Variants in ELL2 observed in about 807,000 individuals in gnomAD.
The protein encoded by ELL2 is RNA polymerase II elongation factor ELL2.
In ELL2, 21 loss-of-function variants were observed where a neutral mutation model predicts 72.8. The ratio of observed to expected loss-of-function variants is 0.29; its 90% CI spans 0.20 to 0.42. The LOEUF (loss-of-function observed/expected upper bound fraction) is 0.42, where lower values mean the gene tolerates loss of function less well. ELL2 is among the 10% of genes least tolerant of loss of function. The pLI is 1.00. For synonymous variants in ELL2, 266 were observed against 283.2 expected (o/e 0.94, Z 0.61); for missense variants, 568 against 772.8 (o/e 0.73, Z 3.14).
At chr5:95,948,885 A>G (rs1246608819) in intron 1 of ELL2, among the ~76,000 whole-genome samples, 2 of 152,220 alleles carry the variant, frequency 1.3e-5, no homozygotes, top group Non-Finnish European at 1.5e-5. Context: ...AACCTGATAA[A>G]AGTGATGGTT....
chr5:95,921,754 G>A (rs1300536096), intron 2 of ELL2, among the ~76,000 whole-genome samples: 1 of 152,216 alleles, frequency 6.6e-6, no homozygotes, highest in Non-Finnish European at 1.5e-5. Flanking sequence ...TCTGCTGACA[G>A]AGAAGGGATA....
At chr5:95,898,911 A>T in intron 7 of ELL2, 101 bp from the exon 8 acceptor site, 1 of 839,898 alleles carries the variant, frequency 1.2e-6, no homozygotes, top group Non-Finnish European at 1.7e-6. Context: ...CTTACTTACT[A>T]TTAATATTAC....
At chr5:95,937,770 A>AG (rs1240306113) in intron 2 of ELL2, among the ~76,000 whole-genome samples, 2 of 152,208 alleles carry the variant, frequency 1.3e-5, no homozygotes, top group African/African-American at 2.4e-5. Context: ...AAGAGTATCA[A>AG]GGTAGCTGTT....
intron 9 of ELL2, among the ~76,000 whole-genome samples, chr5:95,892,125 A>G (rs978479923): frequency 6.6e-6 from 1 of 152,052 alleles, no homozygotes; most frequent in African/African-American, 2.4e-5. Context: ...GCATTTTATT[A>G]TTAAACTTAG....
intron 4 of ELL2, among the ~76,000 whole-genome samples, chr5:95,907,323 A>ATTT (rs1183807310): frequency 1.0e-5 from 1 of 95,624 alleles, no homozygotes; most frequent in African/African-American, 5.0e-5. Flanking sequence ...GCCAAGACAA[A>ATTT]TTTTAGGATT....
chr5:95,927,680 C>T (rs543076146), intron 2 of ELL2, among the ~76,000 whole-genome samples: 1 of 55,092 alleles, frequency 1.8e-5, no homozygotes, highest in Non-Finnish European at 3.1e-5. Flanking sequence ...TATAGACATA[C>T]ACACACACGT....
At chr5:95,916,310 G>A (rs1749796330) in intron 3 of ELL2, among the ~76,000 whole-genome samples, 1 of 152,152 alleles carries the variant, frequency 6.6e-6, no homozygotes, top group Admixed American at 6.5e-5. Flanking sequence ...AAGAACATAA[G>A]TTCAGTGTTG....
chr5:95,954,583 C>CTTTTTTTTTTTTCT (rs1171350741), intron 1 of ELL2, among the ~76,000 whole-genome samples: 1 of 98,664 alleles, frequency 1.0e-5, no homozygotes, highest in African/African-American at 3.9e-5. Flanking sequence ...ATTTTCTTTT[C>CTTTTTTTTTTTTCT]TTTTTTTTTT....
chr5:95,894,632 G>T (rs1009353978), intron 9 of ELL2, among the ~76,000 whole-genome samples: 1 of 152,146 alleles, frequency 6.6e-6, no homozygotes, highest in African/African-American at 2.4e-5. Flanking sequence ...AGATGAGAGG[G>T]TACTCAGCAA....
intron 1 of ELL2, among the ~76,000 whole-genome samples, chr5:95,948,340 G>A (rs1042719330): frequency 3.4e-5 from 5 of 146,736 alleles, no homozygotes; most frequent in Non-Finnish European, 4.5e-5. Context: ...TGAGGCAGGA[G>A]AATGGCGTGA....
chr5:95,927,718 T>A (rs549956367), intron 2 of ELL2, among the ~76,000 whole-genome samples: 4 of 72,392 alleles, frequency 5.5e-5, no homozygotes, highest in Non-Finnish European at 9.8e-5. Flanking sequence ...CACACACATA[T>A]GTGTGTATAT....
chr5:95,943,693 T>C (rs1454970311), intron 1 of ELL2, among the ~76,000 whole-genome samples: 2 of 152,192 alleles, frequency 1.3e-5, no homozygotes, highest in Admixed American at 6.5e-5. Context: ...CAGAGATTTG[T>C]TTTTAATTGA....
At chr5:95,906,131 A>G (rs765481243) in intron 5 of ELL2, among the ~76,000 whole-genome samples, 1 of 152,256 alleles carries the variant, frequency 6.6e-6, no homozygotes, top group Non-Finnish European at 1.5e-5. Context: ...TAGTAGGCAA[A>G]AAATGTTCTG....
At chr5:95,959,634 T>C (rs1751740466) in intron 1 of ELL2, among the ~76,000 whole-genome samples, 2 of 152,174 alleles carry the variant, frequency 1.3e-5, no homozygotes, top group African/African-American at 4.8e-5. Context: ...TATTGGCACA[T>C]GCAGTTTTCT....
intron 2 of ELL2, 76 bp downstream of exon 2, chr5:95,942,926 A>G: frequency 8.5e-7 from 1 of 1,170,116 alleles, no homozygotes; most frequent in Non-Finnish European, 1.2e-6. Context: ...AAAAGGGTCA[A>G]CTGAAAACGG....
chr5:95,928,550 T>C (rs1476762521), intron 2 of ELL2, among the ~76,000 whole-genome samples: 1 of 152,198 alleles, frequency 6.6e-6, no homozygotes, highest in Admixed American at 6.5e-5. Flanking sequence ...ATGAGTGAAA[T>C]TTGACTCCTC....
intron 2 of ELL2, among the ~76,000 whole-genome samples, chr5:95,938,259 A>T (rs1335247440): frequency 6.6e-6 from 1 of 152,154 alleles, no homozygotes; most frequent in Non-Finnish European, 1.5e-5. Context: ...TCATCTTCGG[A>T]AGGTCATTGT....
chr5:95,937,861 A>C lies in ELL2; in HGVS notation c.195+5141T>G, dbSNP rs544456814. On this transcript the variant is annotated intron_variant, in intron 2 of 11. Coordinates refer to ENST00000237853, the MANE Select transcript of ELL2 (RefSeq NM_012081.6). Reference sequence around the variant, plus strand: ...GCTAGCCAAACCAAAACATCAAGGGAAAGAAGTCGGAGGGAAGGCATATTA... The same window carrying C: ...GCTAGCCAAACCAAAACATCAAGGGCAAGAAGTCGGAGGGAAGGCATATTA... Among the ~76,000 whole-genome samples the C allele has an allele frequency of 1.1e-4, 16 of 152,288 alleles. No homozygotes were observed. In the East Asian group the frequency reaches 3.1e-3, roughly 29 times the overall value.
At chr5:95,945,730 T>A (rs929341100) in intron 1 of ELL2, among the ~76,000 whole-genome samples, 2 of 152,110 alleles carry the variant, frequency 1.3e-5, no homozygotes, top group Admixed American at 1.3e-4. Flanking sequence ...GGAGAGAGAA[T>A]ACCCTGAGGA....
Sources: gnomAD v4.1 joint callset for allele counts (sites outside exome capture counted in the v4.1 genomes callset) on GRCh38, gnomAD v4.1.1 for gene constraint, MANE v1.5 for transcripts, NCBI Gene and HGNC (gene_info 2026-07-23, HGNC 2026-07-21) for gene names.